Variants in ZMYM2 observed in about 807,000 individuals in gnomAD.
The protein encoded by ZMYM2 is zinc finger MYM-type containing 2, also known as zinc finger MYM-type protein 2.
A neutral mutation model predicts 162.8 loss-of-function variants in ZMYM2; 56 were observed. The observed-to-expected ratio is 0.34, with a 90% CI of 0.28 to 0.43. ZMYM2 has a LOEUF of 0.43. Among genes scored for constraint, ZMYM2 ranks in the 20% least tolerant of loss-of-function variants. ZMYM2 has a pLI of 1.00. For synonymous variants in ZMYM2, 510 were observed against 541.6 expected (o/e 0.94, Z 0.81); for missense variants, 1,275 against 1,621.8 (o/e 0.79, Z 3.67).
chr13:19,894,351 T>G, the ZMYM2 span, among the ~76,000 whole-genome samples: 1 of 151,606 alleles, frequency 6.6e-6, no homozygotes, highest in African/African-American at 2.4e-5. Flanking sequence ...ATATCTTGTT[T>G]TTTTTTTTTT....
chr13:19,949,103 C>CAAA, the ZMYM2 span, among the ~76,000 whole-genome samples: 332 of 148,686 alleles, frequency 2.2e-3, 1 homozygote, highest in South Asian at 8.9e-3. Context: ...CTTATCTTCA[C>CAAA]AAAAAAAAAA....
In ZMYM2 at chr13:20,052,172, T is replaced by C. The variant is rs959602311; in HGVS notation, c.2459-105T>C. Reference sequence around the variant, plus strand: ...TTCCTTAAAATAGTCTAAAATATTTTCTTTAGTCACATTTTAAATTGGTGA... The same window carrying C: ...TTCCTTAAAATAGTCTAAAATATTTCCTTTAGTCACATTTTAAATTGGTGA... On this transcript the variant is annotated intron_variant, in intron 13 of 24. Transcript: ENST00000610343. 6.6e-6 allele frequency: 6 copies of C among 915,846 alleles called. No individual in the cohort carries two copies. The East Asian group carries it at 1.4e-4, about 21-fold the overall frequency. 56.7% of individuals were successfully genotyped at this position (915,846 alleles called of 1,614,324 possible). A position where few individuals can be genotyped will look rare whatever the true frequency, so the allele number is the denominator to read the frequency against.
chr13:19,882,744 C>G, the ZMYM2 span, among the ~76,000 whole-genome samples: 1 of 151,624 alleles, frequency 6.6e-6, no homozygotes, highest in Non-Finnish European at 1.5e-5. Flanking sequence ...AAGACCCTGT[C>G]TCAAAAACAA....
In ZMYM2 at chr13:20,085,674, T is replaced by C. The variant is rs34401488; in HGVS notation, c.3942-148T>C. 887 of 566,736 alleles carry C rather than the reference T, an allele frequency of 1.6e-3. 13 individuals carry two copies. Among genetic ancestry groups the C allele is most frequent in the Middle Eastern group, 7.7e-3 (26 of 3,362 alleles). The allele number at this position is 566,736 out of a possible 1,614,324, so 35.1% of individuals were successfully genotyped here. A position where few individuals can be genotyped will look rare whatever the true frequency, so the allele number is the denominator to read the frequency against. On this transcript the variant is annotated intron_variant, in intron 24 of 24. Transcript: ENST00000610343. ...ATCTCAGAAAATAACTTTGAGAATATTTTAATGACAGAATAATGGAGACAG... is the reference window on the plus strand; with the variant it reads ...ATCTCAGAAAATAACTTTGAGAATACTTTAATGACAGAATAATGGAGACAG...
In ZMYM2 at chr13:20,003,218, T is replaced by TA; in HGVS notation, c.1133+84dup. Reference sequence around the variant, plus strand: ...TAAGAAAAGTGAAACAGATTTGTAATACCTTTGGAAACTTCCCTATCAAGT... The same window carrying TA: ...TAAGAAAAGTGAAACAGATTTGTAATAACCTTTGGAAACTTCCCTATCAAGT... On this transcript the variant is annotated intron_variant, in intron 4 of 24. Coordinates refer to ENST00000610343, the MANE Select transcript of ZMYM2 (RefSeq NM_197968.4). 6 of 1,458,182 alleles carry TA rather than the reference T, an allele frequency of 4.1e-6. No homozygotes were observed. The South Asian group carries it at 8.5e-5, about 21-fold the overall frequency. The allele number at this position is 1,458,182 out of a possible 1,614,324, so 90.3% of individuals were successfully genotyped here.
At chr13:20,032,586 A>AT (rs56851495) in intron 10 of ZMYM2, among the ~76,000 whole-genome samples, 2 of 116,642 alleles carry the variant, frequency 1.7e-5, no homozygotes, top group African/African-American at 3.0e-5. Context: ...GGATTACATG[A>AT]TTTTTTTTCT....
intron 17 of ZMYM2, among the ~76,000 whole-genome samples, chr13:20,061,452 A>G (rs1262109365): frequency 6.6e-6 from 1 of 152,242 alleles, no homozygotes; most frequent in Non-Finnish European, 1.5e-5. Flanking sequence ...TGTTTTAAGC[A>G]GGATTTGACT....
chr13:20,083,781 G>A lies in ZMYM2; in HGVS notation c.3941+5G>A. On this transcript the variant is annotated splice_donor_5th_base_variant and intron_variant, in intron 24 of 24. Coordinates refer to ENST00000610343, the MANE Select transcript of ZMYM2 (RefSeq NM_197968.4). ...TGAATGCTACTTGTCTAAAAGGTGA[G>A]TGTTAATGATACTTAACTTTTAAAA... is the stretch of plus-strand genomic sequence containing the variant. 1 of 1,600,454 alleles carries A rather than the reference G, an allele frequency of 6.2e-7. No homozygotes were observed. Among genetic ancestry groups the A allele is most frequent in the East Asian group, 2.2e-5 (1 of 44,676 alleles).
At position 20,003,100 on chromosome 13, in the gene ZMYM2, G is replaced by T; in HGVS notation, c.1098G>T (p.Lys366Asn). ...STTCLSSFSH[K>N]PAPKKLCVMC... ...CCTGCCTTTCTTCCTTCTCCCACAA[G>T]CCTGCTCCAAAGAAACTCTGTGTTA... Residue 366 changes from lysine (K) to asparagine (N), a missense_variant, in exon 4 of 25, where the codon AAG (lysine) becomes AAT (asparagine). Lys to Asn is a moderately conservative substitution (Grantham distance 94). This residue lies in a region of ZMYM2 where 115 missense variants were observed against 175.3 expected (regional missense o/e 0.66). Transcript: ENST00000610343. 1 of 1,614,084 alleles carries T rather than the reference G, an allele frequency of 6.2e-7. No homozygotes were observed. Among genetic ancestry groups the T allele is most frequent in the Non-Finnish European group, 8.5e-7 (1 of 1,180,010 alleles).
chr13:19,979,131 A>G (rs1381300170), intron 2 of ZMYM2, among the ~76,000 whole-genome samples: 1 of 152,192 alleles, frequency 6.6e-6, no homozygotes, highest in African/African-American at 2.4e-5. Context: ...TAATCTAAAT[A>G]ATCTAATGAG....
the ZMYM2 span, among the ~76,000 whole-genome samples, chr13:19,922,919 G>T: frequency 6.6e-6 from 1 of 151,930 alleles, no homozygotes; most frequent in Non-Finnish European, 1.5e-5. Context: ...TTACTCGGGA[G>T]GCTGAAGCAG....
intron 14 of ZMYM2, among the ~76,000 whole-genome samples, chr13:20,054,996 G>GTT (rs34930892): frequency 2.1e-5 from 3 of 142,936 alleles, no homozygotes; most frequent in Non-Finnish European, 4.6e-5. Context: ...ACATGGGGTT[G>GTT]TTTTTTTTTT....
At chr13:20,048,817 T>C (rs1593109371) in intron 12 of ZMYM2, among the ~76,000 whole-genome samples, 1 of 151,356 alleles carries the variant, frequency 6.6e-6, no homozygotes, top group Admixed American at 6.6e-5. Flanking sequence ...TTTTTTTTTT[T>C]TTCCCCCTCC....
intron 21 of ZMYM2, among the ~76,000 whole-genome samples, chr13:20,078,436 G>A (rs1957669668): frequency 6.6e-6 from 1 of 152,094 alleles, no homozygotes; most frequent in African/African-American, 2.4e-5. Context: ...GCTTTAGCTA[G>A]CTCTCCGAAA....
intron 12 of ZMYM2, 54 bp from the exon 13 acceptor site, chr13:20,051,379 T>C: frequency 6.3e-7 from 1 of 1,584,090 alleles, no homozygotes. Context: ...GATAAACTTC[T>C]GGAAATCTTC....
chr13:20,006,280 A>G, intron 5 of ZMYM2, 94 bp from the exon 6 acceptor site: 1 of 1,276,676 alleles, frequency 7.8e-7, no homozygotes, highest in Non-Finnish European at 1.0e-6. Flanking sequence ...AACAAGCCTT[A>G]TTAGGACATC....
chr13:19,904,493 G>T, the ZMYM2 span, among the ~76,000 whole-genome samples: 6 of 152,184 alleles, frequency 3.9e-5, no homozygotes, highest in Admixed American at 2.6e-4. Flanking sequence ...AGGAGGCGGA[G>T]GTTGCTGTGA....
At chr13:19,914,766 A>G in the ZMYM2 span, among the ~76,000 whole-genome samples, 1 of 152,126 alleles carries the variant, frequency 6.6e-6, no homozygotes, top group African/African-American at 2.4e-5. Context: ...GTCCCTAATC[A>G]TGGAATTCAC....
chr13:19,997,218 A>G (rs985608190), intron 3 of ZMYM2, among the ~76,000 whole-genome samples: 16 of 152,230 alleles, frequency 1.1e-4, no homozygotes, highest in Admixed American at 1.0e-3. Flanking sequence ...TAATGGCTAC[A>G]CAATGGGTAT....
Sources: gnomAD v4.1 joint callset for allele counts (sites outside exome capture counted in the v4.1 genomes callset) on GRCh38, gnomAD v4.1.1 for gene constraint, gnomAD v4.1.1 regional missense constraint, MANE v1.5 for transcripts, NCBI Gene and HGNC (gene_info 2026-07-23, HGNC 2026-07-21) for gene names.